Variants in KHDC1 observed in about 807,000 individuals in gnomAD.
KHDC1 encodes the protein KH homology domain-containing protein 1.
A neutral mutation model predicts 24.7 loss-of-function variants in KHDC1; 21 were observed. The ratio of observed to expected loss-of-function variants is 0.85; its 90% confidence interval spans 0.60 to 1.23. KHDC1 has a LOEUF of 1.23. Ranked by LOEUF, KHDC1 falls within the 50% of genes most tolerant of loss-of-function variation. The pLI, the probability that KHDC1 is intolerant of heterozygous loss-of-function variation, is 0.00. For synonymous variants in KHDC1, 98 were observed against 111.7 expected (o/e 0.88, Z 0.77); for missense variants, 274 against 298.5 (o/e 0.92, Z 0.61).
intron 1 of KHDC1, among the ~76,000 whole-genome samples, chr6:73,297,176 C>T (rs912864762): frequency 4.6e-5 from 7 of 152,096 alleles, no homozygotes; most frequent in African/African-American, 1.7e-4. Context: ...GCTAGGATTA[C>T]AGTCATGAGC....
At chr6:73,265,275 G>GA (rs1767058994) in intron 2 of KHDC1, among the ~76,000 whole-genome samples, 2 of 152,166 alleles carry the variant, frequency 1.3e-5, no homozygotes. Context: ...TGTCTGTACT[G>GA]AAGAAGGAAT....
chr6:73,263,049 G>A (rs1367030070), intron 2 of KHDC1: 1 of 954,834 alleles, frequency 1.0e-6, no homozygotes, highest in South Asian at 4.1e-5. Context: ...GGGCGGCGGC[G>A]GCGGCGGCGG....
exon 5 of KHDC1, chr6:73,241,604 A>G: frequency 6.2e-7 from 1 of 1,614,192 alleles, no homozygotes; most frequent in Non-Finnish European, 8.5e-7. Context: ...GAACGCTAAG[A>G]CACACGGTTC....
At position 73,251,277 on chromosome 6, in the gene KHDC1, G is replaced by A. The variant is rs1484424593; in HGVS notation, c.207-8747C>T. Among the ~76,000 whole-genome samples, 8 of 152,284 alleles carry A rather than the reference G, an allele frequency of 5.3e-5. No individual in the cohort carries two copies. In the South Asian group the frequency reaches 1.7e-3, roughly 32 times the overall value. ...ATACATTAAAAATCAAAGTCCTTCAGTTGGAATTCTCTTACTGTGTATCTC... is the reference window on the plus strand; with the variant it reads ...ATACATTAAAAATCAAAGTCCTTCAATTGGAATTCTCTTACTGTGTATCTC... On this transcript the variant is annotated intron_variant, in intron 2 of 4. Transcript: ENST00000370384.
At chr6:73,251,847 G>C (rs774289873) in intron 2 of KHDC1, among the ~76,000 whole-genome samples, 1 of 147,428 alleles carries the variant, frequency 6.8e-6, no homozygotes, top group Non-Finnish European at 1.5e-5. Context: ...CTCCATGCTG[G>C]AGTACAGTAG....
chr6:73,255,214 C>CT (rs765910035), intron 2 of KHDC1, among the ~76,000 whole-genome samples: 1,307 of 121,246 alleles, frequency 0.011, 22 homozygotes, highest in African/African-American at 0.022. Flanking sequence ...AAAAAATAAA[C>CT]TTTTTTTTTT....
chr6:73,254,865 G>A (rs955511671), intron 2 of KHDC1, among the ~76,000 whole-genome samples: 2 of 151,932 alleles, frequency 1.3e-5, no homozygotes, highest in Non-Finnish European at 1.5e-5. Context: ...AGCTGGGTAC[G>A]GTGTCAGGCG....
intron 2 of KHDC1, among the ~76,000 whole-genome samples, chr6:73,250,573 T>C (rs1315165747): frequency 1.3e-5 from 2 of 152,238 alleles, no homozygotes; most frequent in African/African-American, 4.8e-5. Context: ...ATGCCTGCTA[T>C]TGGCAATAAT....
chr6:73,290,671 A>T, intron 2 of KHDC1: 1 of 472,772 alleles, frequency 2.1e-6, no homozygotes. Context: ...GGCTGTGCTG[A>T]AGTTTGCTGC....
intron 2 of KHDC1, among the ~76,000 whole-genome samples, chr6:73,258,979 C>A (rs1766929446): frequency 6.6e-6 from 1 of 152,188 alleles, no homozygotes; most frequent in African/African-American, 2.4e-5. Context: ...CGGGAGCCCA[C>A]TGGTGAGAGG....
intron 2 of KHDC1, among the ~76,000 whole-genome samples, chr6:73,258,209 C>G (rs920370949): frequency 1.3e-5 from 2 of 152,280 alleles, no homozygotes; most frequent in East Asian, 3.9e-4. Flanking sequence ...GAGCTGAGAT[C>G]GTGCCACTGC....
chr6:73,266,616 C>T (rs1767081456), intron 2 of KHDC1, among the ~76,000 whole-genome samples: 2 of 152,138 alleles, frequency 1.3e-5, no homozygotes, highest in African/African-American at 4.8e-5. Flanking sequence ...ATACCAGATA[C>T]AGAACTTAAA....
At chr6:73,278,009 GTTT>G (rs70994182) in intron 2 of KHDC1, among the ~76,000 whole-genome samples, 7 of 106,330 alleles carry the variant, frequency 6.6e-5, no homozygotes, top group Non-Finnish European at 1.3e-4. Flanking sequence ...TCTCTCGGGT[GTTT>G]TTTTTTTTTT....
At chr6:73,283,215 A>G (rs866594911) in intron 2 of KHDC1, among the ~76,000 whole-genome samples, 2 of 152,220 alleles carry the variant, frequency 1.3e-5, no homozygotes, top group African/African-American at 2.4e-5. Context: ...CTCCACCTCC[A>G]TAAGGACAGA....
intron 1 of KHDC1, among the ~76,000 whole-genome samples, chr6:73,303,514 A>G (rs1329172218): frequency 6.6e-6 from 1 of 152,230 alleles, no homozygotes. Context: ...ACAAGTTTTC[A>G]GTAAAGAACA....
intron 2 of KHDC1, among the ~76,000 whole-genome samples, chr6:73,280,978 T>G (rs1036619130): frequency 3.3e-5 from 5 of 151,940 alleles, no homozygotes; most frequent in African/African-American, 1.2e-4. Context: ...GGAGACCAAG[T>G]AGGGCAAATC....
At chr6:73,306,422 G>T (rs935454961) in intron 1 of KHDC1, among the ~76,000 whole-genome samples, 3 of 152,078 alleles carry the variant, frequency 2.0e-5, no homozygotes, top group Non-Finnish European at 4.4e-5. Flanking sequence ...TCCCATCCAG[G>T]AGCATCAGTT....
chr6:73,254,550 T>C (rs548882425), intron 2 of KHDC1, among the ~76,000 whole-genome samples: 2 of 151,832 alleles, frequency 1.3e-5, no homozygotes, highest in East Asian at 3.9e-4. Context: ...AAGAAAGTGT[T>C]TCTGCTCTAA....
intron 2 of KHDC1, among the ~76,000 whole-genome samples, chr6:73,247,716 G>A (rs1766693280): frequency 6.6e-6 from 1 of 152,072 alleles, no homozygotes; most frequent in South Asian, 2.1e-4. Context: ...AATTAGCCGG[G>A]CATAGTGGCA....
Sources: gnomAD v4.1 joint callset for allele counts (sites outside exome capture counted in the v4.1 genomes callset) on GRCh38, gnomAD v4.1.1 for gene constraint, MANE v1.5 for transcripts, NCBI Gene and HGNC (gene_info 2026-07-23, HGNC 2026-07-21) for gene names.